The following ATRNL1 variants were observed in gnomAD, a reference collection of about 807,000 sequenced individuals.
ATRNL1 encodes attractin like 1.
A neutral mutation model predicts 182.7 loss-of-function variants in ATRNL1; 95 were observed. That is an observed-to-expected ratio of 0.52 (90% confidence interval 0.44 to 0.62). ATRNL1 has a LOEUF of 0.62. Among genes scored for constraint, ATRNL1 ranks in the 20% least tolerant of loss-of-function variants. The pLI is 0.00. For synonymous variants in ATRNL1, 576 were observed against 568.3 expected (o/e 1.01, Z -0.19); for missense variants, 1,471 against 1,679.5 (o/e 0.88, Z 2.17).
chr10:115,540,174 T>G (rs1852272068), intron 25 of ATRNL1, among the ~76,000 whole-genome samples: 2 of 151,824 alleles, frequency 1.3e-5, no homozygotes, highest in South Asian at 4.2e-4. Flanking sequence ...TTTATAAACT[T>G]CTGGGATCTC....
chr10:115,431,145 G>A (rs763273249), intron 21 of ATRNL1, among the ~76,000 whole-genome samples: 2 of 152,026 alleles, frequency 1.3e-5, no homozygotes, highest in African/African-American at 4.8e-5. Context: ...AGTGGCTCAC[G>A]CCTGTAATGC....
chr10:115,701,236 A>T (rs1034804282), intron 26 of ATRNL1, among the ~76,000 whole-genome samples: 2 of 152,086 alleles, frequency 1.3e-5, no homozygotes, highest in Non-Finnish European at 2.9e-5. Context: ...TAAGGCAGGA[A>T]TCAAAAAATT....
intron 20 of ATRNL1, among the ~76,000 whole-genome samples, chr10:115,408,005 T>G (rs1844926659): frequency 1.8e-5 from 2 of 109,598 alleles, no homozygotes; most frequent in Admixed American, 8.6e-5. Flanking sequence ...TTTTTTTTTT[T>G]TTTTTTTTTG....
At chr10:115,432,597 G>A (rs1038783176) in intron 21 of ATRNL1, among the ~76,000 whole-genome samples, 1 of 152,242 alleles carries the variant, frequency 6.6e-6, no homozygotes, top group Non-Finnish European at 1.5e-5. Flanking sequence ...TAACTTAATT[G>A]AAAGTGATAT....
intron 27 of ATRNL1, among the ~76,000 whole-genome samples, chr10:115,820,873 C>A (rs533944693): frequency 6.6e-6 from 1 of 152,092 alleles, no homozygotes; most frequent in South Asian, 2.1e-4. Context: ...GAATTGTAAT[C>A]CCCATAATCC....
intron 26 of ATRNL1, among the ~76,000 whole-genome samples, chr10:115,611,296 A>G (rs577240448): frequency 2.0e-5 from 3 of 152,280 alleles, no homozygotes; most frequent in Non-Finnish European, 2.9e-5. Context: ...CTTACAAAAT[A>G]TATGCATTTC....
chr10:115,852,892 G>A (rs189512888), intron 28 of ATRNL1, among the ~76,000 whole-genome samples: 1 of 152,264 alleles, frequency 6.6e-6, no homozygotes. Flanking sequence ...CTCGGTGTAT[G>A]TAATAGGAAG....
At chr10:115,657,603 A>T (rs546440837) in intron 26 of ATRNL1, among the ~76,000 whole-genome samples, 14 of 152,310 alleles carry the variant, frequency 9.2e-5, no homozygotes, top group Non-Finnish European at 2.9e-5. Flanking sequence ...TGCAGGAGTC[A>T]CGATGGTTCA....
chr10:115,890,468 C>T (rs1261889195), intron 28 of ATRNL1, among the ~76,000 whole-genome samples: 3 of 152,130 alleles, frequency 2.0e-5, no homozygotes, highest in Non-Finnish European at 4.4e-5. Context: ...ATAAAAGGGC[C>T]TTTATGTGAC....
intron 24 of ATRNL1, among the ~76,000 whole-genome samples, chr10:115,483,293 T>C (rs1043212473): frequency 1.3e-5 from 2 of 151,384 alleles, no homozygotes. Context: ...AAAGAACTGT[T>C]CTCAAACTTT....
chr10:115,119,838 CT>C (rs1429172646), intron 1 of ATRNL1, among the ~76,000 whole-genome samples: 1 of 152,036 alleles, frequency 6.6e-6, no homozygotes, highest in Admixed American at 6.6e-5. Context: ...TTTGATCTTC[CT>C]TCTGCCTCAA....
chr10:115,615,941 C>A (rs181596098), intron 26 of ATRNL1, among the ~76,000 whole-genome samples: 260 of 152,126 alleles, frequency 1.7e-3, no homozygotes, highest in African/African-American at 6.1e-3. Context: ...ATAAAGATAC[C>A]TGAAAATGTG....
intron 26 of ATRNL1, among the ~76,000 whole-genome samples, chr10:115,608,414 A>C (rs1856980631): frequency 6.6e-6 from 1 of 152,094 alleles, no homozygotes; most frequent in Non-Finnish European, 1.5e-5. Flanking sequence ...GTTCTGTATC[A>C]GAATTTTGAT....
intron 26 of ATRNL1, among the ~76,000 whole-genome samples, chr10:115,665,502 G>A (rs1323034885): frequency 2.0e-5 from 3 of 152,122 alleles, no homozygotes; most frequent in Admixed American, 6.6e-5. Flanking sequence ...GGAGGAAGAC[G>A]AGAGGGAAGA....
At position 115,599,743 on chromosome 10, in the gene ATRNL1, G is replaced by C. The variant is rs2769385; in HGVS notation, c.3795+50207G>C. 2.0e-5 allele frequency among the ~76,000 whole-genome samples: 3 copies of C among 152,138 alleles called. No individual in the cohort carries two copies. The East Asian group carries it at 5.8e-4, about 29-fold the overall frequency. ...GACTTAGTTGTATCCTCAAAAAGATGCTTTAGAACTCCCAAACACCCACTG... is the reference window on the plus strand; with the variant it reads ...GACTTAGTTGTATCCTCAAAAAGATCCTTTAGAACTCCCAAACACCCACTG... On this transcript the variant is annotated intron_variant, in intron 26 of 28. Coordinates refer to ENST00000355044, the MANE Select transcript of ATRNL1 (RefSeq NM_207303.4).
chr10:115,587,149 C>T lies in ATRNL1; in HGVS notation c.3795+37613C>T, dbSNP rs571959361. Among the ~76,000 whole-genome samples the T allele has an allele frequency of 7.8e-3, 1,158 of 148,734 alleles. 15 individuals are homozygous for T. Among genetic ancestry groups the T allele is most frequent in the African/African-American group, 0.027 (1,090 of 41,012 alleles). On this transcript the variant is annotated intron_variant, in intron 26 of 28. Coordinates refer to ENST00000355044, the MANE Select transcript of ATRNL1 (RefSeq NM_207303.4). ...GCTGCGTACTGGGAGAACCACTGCT[C>T]TCTTCAAAGCTGTCAGACAGGGACA... is the stretch of plus-strand genomic sequence containing the variant.
Position 115,246,662 on chromosome 10 carries a change from G to A in ATRNL1, c.1687+4937G>A, listed in dbSNP as rs1437320736. 4.7e-5 allele frequency among the ~76,000 whole-genome samples: 4 copies of A among 84,452 alleles called. 2 individuals carry two copies. Among genetic ancestry groups the A allele is most frequent in the African/African-American group, 1.1e-4 (2 of 18,402 alleles). 55.4% of individuals were successfully genotyped at this position (84,452 alleles called of 152,430 possible). On this transcript the variant is annotated intron_variant, in intron 10 of 28. Coordinates refer to ENST00000355044, the MANE Select transcript of ATRNL1 (RefSeq NM_207303.4). ...TGCAAGCTCCACTTCCTGGGTTCAC[G>A]CCATTCTCCTGCCTCAGCCTCCCGA...
chr10:115,709,846 C>T (rs1483909374), intron 26 of ATRNL1, among the ~76,000 whole-genome samples: 2 of 151,986 alleles, frequency 1.3e-5, no homozygotes, highest in African/African-American at 4.8e-5. Context: ...AATGTCTTTT[C>T]CTAAAATCTC....
In ATRNL1 at chr10:115,500,884, T is replaced by C. The variant is rs547712978; in HGVS notation, c.3655-18379T>C. On this transcript the variant is annotated intron_variant, in intron 24 of 28. Coordinates refer to ENST00000355044, the MANE Select transcript of ATRNL1 (RefSeq NM_207303.4). ...ATGTAGGCTTTTAAATTGGCTTTGATGGAACTTTGTTTCATAGCAGAAATT... is the reference window on the plus strand; with the variant it reads ...ATGTAGGCTTTTAAATTGGCTTTGACGGAACTTTGTTTCATAGCAGAAATT... Among the ~76,000 whole-genome samples, 3 of 148,910 alleles carry C rather than the reference T, an allele frequency of 2.0e-5. No homozygotes were observed. In the South Asian group the frequency reaches 6.4e-4, roughly 32 times the overall value.
Sources: allele counts gnomAD v4.1 joint callset (sites outside exome capture counted in the v4.1 genomes callset), GRCh38; gene constraint gnomAD v4.1.1; transcripts MANE v1.5; gene names NCBI Gene and HGNC (gene_info 2026-07-23, HGNC 2026-07-21).